TNRC6B: variants seen among roughly 807,000 people sequenced by gnomAD.
The protein encoded by TNRC6B is trinucleotide repeat-containing gene 6B protein.
Under a neutral mutation model 203.6 loss-of-function variants are expected in TNRC6B, and 52 were observed. That is an observed-to-expected ratio of 0.26 (90% CI 0.20 to 0.32). The LOEUF (loss-of-function observed/expected upper bound fraction) is 0.32, where lower values mean the gene tolerates loss of function less well. TNRC6B is among the 10% of genes least tolerant of loss of function. The pLI is 1.00. For missense variants in TNRC6B, 1,923 were observed against 2,286.2 expected (o/e 0.84, Z 3.24); for synonymous variants, 838 against 845.7 (o/e 0.99, Z 0.16).
chr22:40,180,769 T>A (rs1281997352), intron 1 of TNRC6B, among the ~76,000 whole-genome samples: 1 of 152,236 alleles, frequency 6.6e-6, no homozygotes, highest in Non-Finnish European at 1.5e-5. Flanking sequence ...GCCGATGTTA[T>A]GAAGAGCAAT....
intron 1 of TNRC6B, among the ~76,000 whole-genome samples, chr22:40,185,321 A>C (rs978559082): frequency 6.6e-6 from 1 of 152,124 alleles, no homozygotes; most frequent in African/African-American, 2.4e-5. Context: ...TTCTTTGGTA[A>C]GGTGTCCAAA....
intron 1 of TNRC6B, among the ~76,000 whole-genome samples, chr22:40,070,121 C>G (rs1312213782): frequency 2.0e-5 from 3 of 152,044 alleles, no homozygotes; most frequent in African/African-American, 7.2e-5. Flanking sequence ...TTGCTTTAAT[C>G]TGGCTTTATA....
chr22:40,189,498 C>CAAAAAAAAA (rs56029573), intron 1 of TNRC6B, among the ~76,000 whole-genome samples: 14 of 112,274 alleles, frequency 1.2e-4, no homozygotes, highest in African/African-American at 4.0e-4. Flanking sequence ...TTTGTCTGCC[C>CAAAAAAAAA]AAAAAAAAAA....
intron 4 of TNRC6B, among the ~76,000 whole-genome samples, chr22:40,170,330 A>ATAGT (rs2068961688): frequency 8.9e-6 from 1 of 112,200 alleles, no homozygotes; most frequent in Non-Finnish European, 1.7e-5. Flanking sequence ...TATTATATAT[A>ATAGT]TTATATATAG....
intron 5 of TNRC6B, among the ~76,000 whole-genome samples, chr22:40,269,887 CAAA>C (rs34314387): frequency 6.4e-5 from 5 of 77,608 alleles, no homozygotes; most frequent in African/African-American, 5.5e-5. Context: ...GACTCTGTCT[CAAA>C]AAAAAAAAAA....
rs1395526749 is a variant in TNRC6B at position 40,270,225 on chromosome 22, A to G, written c.2910A>G (p.Ala970=). The G allele has an allele frequency of 3.9e-6, 6 of 1,530,154 alleles. No individual in the cohort carries two copies. The highest frequency in any genetic ancestry group is 1.2e-5 in the South Asian group (1 of 81,916). 94.8% of individuals were successfully genotyped at this position (1,530,154 alleles called of 1,614,324 possible). A position where few individuals can be genotyped will look rare whatever the true frequency, so the allele number is the denominator to read the frequency against. Residue 970 remains alanine (A), a synonymous_variant, in exon 6 of 23, where the codon GCA becomes GCG. Coordinates refer to ENST00000454349, the MANE Select transcript of TNRC6B (RefSeq NM_001162501.2). ...GGGGCGAGATGGATGATACAGGAGC[A>G]TCGACCACAGGCTGGGGGAACACGC... The part of the protein sequence containing the change: ...PGWGEMDDTG[A]STTGWGNTPA...
At chr22:40,270,939 C>G (rs1019719043) in intron 6 of TNRC6B, among the ~76,000 whole-genome samples, 6 of 152,194 alleles carry the variant, frequency 3.9e-5, no homozygotes, top group African/African-American at 1.4e-4. Flanking sequence ...AACAAGAGTT[C>G]CTGGCTTTTA....
At chr22:40,182,491 G>T (rs2069147189) in intron 1 of TNRC6B, among the ~76,000 whole-genome samples, 1 of 152,158 alleles carries the variant, frequency 6.6e-6, no homozygotes, top group Non-Finnish European at 1.5e-5. Flanking sequence ...AAGCCACTTG[G>T]CCAGAAAAGG....
chr22:40,269,747 G>T (rs980037783), intron 5 of TNRC6B, among the ~76,000 whole-genome samples: 2 of 151,854 alleles, frequency 1.3e-5, no homozygotes, highest in African/African-American at 4.8e-5. Context: ...AGTTAGCTGG[G>T]TATGGTGGCA....
chr22:40,244,001 C>T (rs758580954), intron 1 of TNRC6B, among the ~76,000 whole-genome samples: 1 of 151,196 alleles, frequency 6.6e-6, no homozygotes, highest in South Asian at 2.1e-4. Flanking sequence ...ACAGGAAATA[C>T]TCAGGCTGTG....
chr22:40,214,322 C>T (rs116589439), intron 1 of TNRC6B, among the ~76,000 whole-genome samples: 3,002 of 151,828 alleles, frequency 0.02, 89 homozygotes, highest in African/African-American at 0.069. Context: ...GTGATGGAAC[C>T]GTTCTCTCTC....
intron 5 of TNRC6B, 147 bp downstream of exon 5, chr22:40,267,183 A>C: frequency 1.2e-6 from 1 of 825,480 alleles, no homozygotes; most frequent in Non-Finnish European, 1.8e-6. Flanking sequence ...ACCTCTTTTT[A>C]TGAAATGCTA....
At chr22:40,102,621 C>T (rs1373363057) in intron 1 of TNRC6B, among the ~76,000 whole-genome samples, 1 of 151,952 alleles carries the variant, frequency 6.6e-6, no homozygotes, top group East Asian at 1.9e-4. Context: ...ATAAACTTCA[C>T]CCAGTTTAGA....
chr22:40,197,120 G>A lies in TNRC6B; in HGVS notation c.5+18980G>A, dbSNP rs761226185. ...GGTTGAATCCCTGTATTATAAAGTG[G>A]AGTGTCTTAAAATATGGATGCAGAT... On this transcript the variant is annotated intron_variant, in intron 1 of 22. Transcript: ENST00000454349. 1.8e-4 allele frequency among the ~76,000 whole-genome samples: 28 copies of A among 152,074 alleles called. 1 individual carries two copies. Among genetic ancestry groups the A allele is most frequent in the South Asian group, 2.1e-4 (1 of 4,834 alleles).
chr22:40,170,991 G>A (rs1049014459), intron 4 of TNRC6B, among the ~76,000 whole-genome samples: 3 of 144,462 alleles, frequency 2.1e-5, no homozygotes, highest in African/African-American at 5.1e-5. Flanking sequence ...ACATATATGT[G>A]TATATATATA....
At chr22:40,314,737 C>A (rs1318094353) in intron 19 of TNRC6B, among the ~76,000 whole-genome samples, 1 of 152,220 alleles carries the variant, frequency 6.6e-6, no homozygotes, top group Non-Finnish European at 1.5e-5. Context: ...ATAATTGTTT[C>A]TATTCCTCAC....
In TNRC6B at chr22:40,053,847, G is replaced by T. The variant is rs530995892; in HGVS notation, c.-121+8849G>T. ...AGAATAATCTTTTAAAACTACAGATGTGTTCTGTGTATATCTTAATTTAAA... is the reference window on the plus strand; with the variant it reads ...AGAATAATCTTTTAAAACTACAGATTTGTTCTGTGTATATCTTAATTTAAA... On this transcript the variant is annotated intron_variant, in intron 1 of 23. Transcript: ENST00000301923. 8.5e-5 allele frequency among the ~76,000 whole-genome samples: 13 copies of T among 152,182 alleles called. No homozygotes were observed. In the South Asian group the frequency reaches 2.7e-3, roughly 31 times the overall value.
At chr22:40,279,724 T>C (rs1015137057) in intron 9 of TNRC6B, among the ~76,000 whole-genome samples, 1 of 152,230 alleles carries the variant, frequency 6.6e-6, no homozygotes, top group Non-Finnish European at 1.5e-5. Context: ...CCTAAGGCTC[T>C]TTCAGTCTTC....
At chr22:40,165,228 G>A (rs1337008828) in intron 4 of TNRC6B, among the ~76,000 whole-genome samples, 1 of 151,964 alleles carries the variant, frequency 6.6e-6, no homozygotes, top group Non-Finnish European at 1.5e-5. Context: ...CCAGGTTGGA[G>A]TGCAGTGGCA....
Sources: allele counts gnomAD v4.1 joint callset (sites outside exome capture counted in the v4.1 genomes callset), GRCh38; gene constraint gnomAD v4.1.1; transcripts MANE v1.5; gene names NCBI Gene and HGNC (gene_info 2026-07-23, HGNC 2026-07-21).